The following EZH2 variants were observed in gnomAD, a reference collection of about 807,000 sequenced individuals.
EZH2 encodes the protein enhancer of zeste 2 polycomb repressive complex 2 subunit.
A neutral mutation model predicts 98.4 loss-of-function variants in EZH2; 18 were observed. The ratio of observed to expected loss-of-function variants is 0.18; its 90% confidence interval spans 0.13 to 0.27. The LOEUF is 0.27. Among genes scored for constraint, EZH2 ranks in the 10% least tolerant of loss-of-function variants. EZH2 has a pLI of 1.00. For synonymous variants in EZH2, 338 were observed against 312.3 expected (o/e 1.08, Z -0.87); for missense variants, 470 against 935.1 (o/e 0.50, Z 6.49).
chr7:148,873,557 A>ATTTTTTTTTTTTTTTTTT (rs58553084), intron 1 of EZH2, among the ~76,000 whole-genome samples: 2 of 79,936 alleles, frequency 2.5e-5, no homozygotes, highest in Admixed American at 1.6e-4. Flanking sequence ...CATGCTCTTC[A>ATTTTTTTTTTTTTTTTTT]TTTTTTTTTT....
chr7:148,846,729 G>C (rs1378584345), intron 2 of EZH2, 131 bp from the exon 3 acceptor site: 1 of 745,646 alleles, frequency 1.3e-6, no homozygotes, highest in Non-Finnish European at 2.1e-6. Flanking sequence ...GGTGCATATA[G>C]ATTTTACACT....
chr7:148,816,781 G>A lies in EZH2; in HGVS notation c.1411-3C>T. On this transcript the variant is annotated splice_polypyrimidine_tract_variant and splice_region_variant and intron_variant, in intron 11 of 19. Coordinates refer to ENST00000320356, the MANE Select transcript of EZH2 (RefSeq NM_004456.5). The stretch of plus-strand genomic sequence containing the variant: ...TCTTTGACTCTAAACTCATACACCT[G>A]ACAAGAGGCACAGTCACAGAGCCAT... 6.2e-7 allele frequency: 1 copy of A among 1,610,222 alleles called. No homozygotes were observed. The highest frequency in any genetic ancestry group is 8.5e-7 in the Non-Finnish European group (1 of 1,176,514).
At chr7:148,810,941 A>T (rs1272623135) in intron 16 of EZH2, among the ~76,000 whole-genome samples, 1 of 151,602 alleles carries the variant, frequency 6.6e-6, no homozygotes, top group East Asian at 1.9e-4. Flanking sequence ...AGCTGGTTCC[A>T]AACTGAAGCT....
At chr7:148,836,731 G>A (rs1811023719) in intron 3 of EZH2, 2 of 411,958 alleles carry the variant, frequency 4.9e-6, no homozygotes, top group Admixed American at 3.2e-5. Context: ...GGGATGGGGG[G>A]GACTAGAATC....
At chr7:148,874,752 T>C (rs531426965) in intron 1 of EZH2, among the ~76,000 whole-genome samples, 103 of 152,184 alleles carry the variant, frequency 6.8e-4, no homozygotes, top group Non-Finnish European at 1.1e-3. Context: ...GTATATATAA[T>C]CTGAAAAGCC....
At chr7:148,809,030 A>G in intron 19 of EZH2, 41 bp downstream of exon 19, 1 of 1,531,082 alleles carries the variant, frequency 6.5e-7, no homozygotes, top group Non-Finnish European at 9.0e-7. Context: ...ATCCAGTAGA[A>G]AAAGCCCTTA....
intron 1 of EZH2, among the ~76,000 whole-genome samples, chr7:148,879,949 T>TA (rs1820736291): frequency 6.6e-6 from 1 of 151,834 alleles, no homozygotes; most frequent in African/African-American, 2.4e-5. Context: ...TACAAAAAAT[T>TA]AAAAAATTAA....
At chr7:148,868,888 A>G (rs930216610) in intron 1 of EZH2, among the ~76,000 whole-genome samples, 14 of 152,228 alleles carry the variant, frequency 9.2e-5, no homozygotes, top group Non-Finnish European at 1.6e-4. Flanking sequence ...ACAGCTGGCC[A>G]GTTACATGCT....
intron 3 of EZH2, among the ~76,000 whole-genome samples, chr7:148,842,166 A>T (rs1189543790): frequency 1.3e-5 from 2 of 152,196 alleles, no homozygotes; most frequent in Non-Finnish European, 2.9e-5. Context: ...TATATTGGCA[A>T]GATGGATTAA....
intron 3 of EZH2, among the ~76,000 whole-genome samples, chr7:148,841,891 TC>T (rs1563006907): frequency 6.6e-6 from 1 of 151,708 alleles, no homozygotes; most frequent in Non-Finnish European, 1.5e-5. Context: ...TAGAAGCTTC[TC>T]CCCCCAAAAA....
At chr7:148,879,288 C>A (rs1460721991) in intron 1 of EZH2, among the ~76,000 whole-genome samples, 1 of 152,052 alleles carries the variant, frequency 6.6e-6, no homozygotes, top group Non-Finnish European at 1.5e-5. Context: ...TGGTGGCTCA[C>A]ACCTATAATC....
intron 3 of EZH2, among the ~76,000 whole-genome samples, chr7:148,842,230 CTT>C (rs1267373352): frequency 2.6e-5 from 4 of 152,154 alleles, no homozygotes; most frequent in African/African-American, 7.2e-5. Context: ...TCTAAGCAAA[CTT>C]CTCTTTCAGT....
chr7:148,879,017 C>G (rs6962147), intron 1 of EZH2, among the ~76,000 whole-genome samples: 122,236 of 151,780 alleles, frequency 0.81, 49,832 homozygotes, highest in African/African-American at 0.94. Context: ...CTGAGGTCAG[C>G]AGTTCGAGAC....
At chr7:148,880,934 A>G (rs1373878442) in intron 1 of EZH2, among the ~76,000 whole-genome samples, 1 of 152,242 alleles carries the variant, frequency 6.6e-6, no homozygotes, top group Non-Finnish European at 1.5e-5. Flanking sequence ...TCATGCTACA[A>G]TAAAATATGA....
intron 12 of EZH2, 96 bp from the exon 13 acceptor site, chr7:148,815,642 A>G (rs1459769557): frequency 9.0e-7 from 1 of 1,113,390 alleles, no homozygotes; most frequent in East Asian, 2.4e-5. Context: ...CCATGAATAC[A>G]GGAATGCGTT....
chr7:148,855,897 C>CAAAAAAAAA (rs34692092), intron 1 of EZH2, among the ~76,000 whole-genome samples: 1 of 41,014 alleles, frequency 2.4e-5, no homozygotes, highest in Non-Finnish European at 4.3e-5. Context: ...GACTCCATCT[C>CAAAAAAAAA]AAAAAAAAAA....
rs146545387 is a variant in EZH2, at chr7:148,871,873, C to A, written c.-8+12291G>T. Among the ~76,000 whole-genome samples the A allele has an allele frequency of 2.2e-3, 335 of 152,116 alleles. 3 individuals are homozygous for A. Among genetic ancestry groups the A allele is most frequent in the African/African-American group, 7.7e-3 (319 of 41,490 alleles). ...ACAGGCATCAGCCACCACGCCCAGCCGAATAGTATATTTTCTATCTATGGC... is the reference window on the plus strand; with the variant it reads ...ACAGGCATCAGCCACCACGCCCAGCAGAATAGTATATTTTCTATCTATGGC... On this transcript the variant is annotated intron_variant, in intron 1 of 19. Transcript: ENST00000320356.
At position 148,873,557 on chromosome 7, in the gene EZH2, A is replaced by ATTTTT. The variant is rs58553084; in HGVS notation, c.-8+10602_-8+10606dup. 3.5e-4 allele frequency among the ~76,000 whole-genome samples: 28 copies of ATTTTT among 79,942 alleles called. 1 individual carries two copies. The highest frequency in any genetic ancestry group is 1.1e-3 in the East Asian group (3 of 2,668). The allele number at this position is 79,942 out of a possible 152,430, so 52.4% of individuals were successfully genotyped here. On this transcript the variant is annotated intron_variant, in intron 1 of 19. Transcript: ENST00000320356. ...TTTGCAGAATCATTTCATGCTCTTCATTTTTTTTTTTTTTTTTTTTTTTTG... is the reference window on the plus strand; with the variant it reads ...TTTGCAGAATCATTTCATGCTCTTCATTTTTTTTTTTTTTTTTTTTTTTTTTTTTG...
chr7:148,875,102 C>A (rs1820000143), intron 1 of EZH2, among the ~76,000 whole-genome samples: 1 of 151,996 alleles, frequency 6.6e-6, no homozygotes, highest in Non-Finnish European at 1.5e-5. Context: ...TTACTAAATA[C>A]AATAATTTTC....
Sources: gnomAD v4.1 joint callset for allele counts (sites outside exome capture counted in the v4.1 genomes callset) on GRCh38, gnomAD v4.1.1 for gene constraint, MANE v1.5 for transcripts, NCBI Gene and HGNC (gene_info 2026-07-23, HGNC 2026-07-21) for gene names.